The following KCTD9 variants were observed in gnomAD, a reference collection of about 807,000 sequenced individuals.
KCTD9 encodes the protein potassium channel tetramerization domain containing 9.
A neutral mutation model predicts 53.3 loss-of-function variants in KCTD9; 17 were observed. The observed-to-expected ratio is 0.32, with a 90% CI of 0.22 to 0.48. The LOEUF is 0.48. Ranked by LOEUF, KCTD9 falls within the 20% of genes least tolerant of loss-of-function variation. The pLI is 0.99. For missense variants in KCTD9, 179 were observed against 465.5 expected, an observed-to-expected ratio of 0.38 and a Z score of 5.66; for synonymous variants, 128 against 162.7, an observed-to-expected ratio of 0.79 and a Z score of 1.62.
rs763772307 is a variant in KCTD9, at chr8:25,436,480, A to G, written c.505T>C (p.Leu169=). 1.9e-6 allele frequency: 3 copies of G among 1,568,380 alleles called. No homozygotes were observed. Among genetic ancestry groups the G allele is most frequent in the East Asian group, 2.3e-5 (1 of 44,368 alleles). ...VNDGINLLGV[L]EEARFFGIDS... is the part of the protein sequence containing the mutation. ...ATACCAAAAAATCTTGCTTCTTCTAACACACCTATCAGAACAAAAATAATT... is the reference window on the plus strand; with the variant it reads ...ATACCAAAAAATCTTGCTTCTTCTAGCACACCTATCAGAACAAAAATAATT... Residue 169 remains leucine, a synonymous_variant, in exon 7 of 12, where the codon TTA becomes CTA. Coordinates refer to ENST00000221200, the MANE Select transcript of KCTD9 (RefSeq NM_017634.4).
At chr8:25,447,288 G>A (rs2117426472) in intron 1 of KCTD9, among the ~76,000 whole-genome samples, 2 of 152,288 alleles carry the variant, frequency 1.3e-5, no homozygotes, top group Middle Eastern at 6.8e-3. Context: ...TCCAGAGGCT[G>A]AAGCATGAGA....
intron 1 of KCTD9, chr8:25,450,343 C>G (rs968390137): frequency 1.0e-4 from 101 of 985,212 alleles, no homozygotes; most frequent in Non-Finnish European, 1.2e-4. Flanking sequence ...CTGAGCTGTT[C>G]TACTAATAAC....
intron 2 of KCTD9, among the ~76,000 whole-genome samples, chr8:25,444,683 A>C (rs1802184674): frequency 6.6e-6 from 1 of 152,072 alleles, no homozygotes; most frequent in Admixed American, 6.6e-5. Context: ...TTTTCTTTAC[A>C]TTTTTTACCC....
At position 25,428,323 on chromosome 8, in the gene KCTD9, T is replaced by C. The variant is rs575430582; in HGVS notation, c.*1534A>G. 2 of 152,648 alleles carry C rather than the reference T, an allele frequency of 1.3e-5. No individual in the cohort carries two copies. The highest frequency in any genetic ancestry group is 2.9e-5 in the Non-Finnish European group (2 of 68,044). 9.5% of individuals were successfully genotyped at this position (152,648 alleles called of 1,614,324 possible). A position where few individuals can be genotyped will look rare whatever the true frequency, so the allele number is the denominator to read the frequency against. On this transcript the variant is annotated 3_prime_UTR_variant, in exon 12 of 12. Transcript: ENST00000221200. ...CAAAGAAAATAATTCATTTCTGAAGTTGCTTTCCTTCACTTGTAAAGGTCT... is the reference window on the plus strand; with the variant it reads ...CAAAGAAAATAATTCATTTCTGAAGCTGCTTTCCTTCACTTGTAAAGGTCT...
Position 25,435,476 on chromosome 8 carries a change from C to T in KCTD9, c.700G>A (p.Asp234Asn). Reference protein sequence around the residue: ...NFSGADLSRLDLRYINFKMAN... With the variant: ...NFSGADLSRLNLRYINFKMAN... ...ATTTTGAAGTTAATGTATCGAAGGT[C>T]CAAACGAGAAAGATCAGCACCACTG... Residue 234 changes from aspartate (D) to asparagine (N), a missense_variant, in exon 9 of 12, where the codon GAC becomes AAC. Asp to Asn is a conservative substitution (Grantham distance 23). Coordinates refer to ENST00000221200, the MANE Select transcript of KCTD9 (RefSeq NM_017634.4). 6.2e-7 allele frequency: 1 copy of T among 1,609,622 alleles called. No individual in the cohort carries two copies.
Position 25,439,402 on chromosome 8 carries a change from A to G in KCTD9, c.376T>C (p.Trp126Arg). The change falls in exon 6 of 12, where the codon TGG (tryptophan) becomes CGG (arginine). Residue 126 changes from tryptophan (W) to arginine (R), a missense_variant. Transcript: ENST00000221200. Reference sequence around the variant, plus strand: ...CCTCTATGATCTTGCTTATTTCCCCAGACACCTGTGTCACCATTATAATAA... The same window carrying G: ...CCTCTATGATCTTGCTTATTTCCCCGGACACCTGTGTCACCATTATAATAA... ...LAHMFKDKGV[W>R]GNKQDHRGAF... 6.2e-7 allele frequency: 1 copy of G among 1,610,536 alleles called. No individual in the cohort carries two copies. The highest frequency in any genetic ancestry group is 8.5e-7 in the Non-Finnish European group (1 of 1,178,934).
rs552889052 is a variant in KCTD9, at chr8:25,431,542, C to T, written c.1053+962G>A. On this transcript the variant is annotated intron_variant, in intron 11 of 11. Transcript: ENST00000221200. ...CAGCAGCTCTCCCCTCAATAGTCAA[C>T]CTGATCAGTCTTTGCAATCAGAGAG... Among the ~76,000 whole-genome samples, 11 of 152,196 alleles carry T rather than the reference C, an allele frequency of 7.2e-5. No individual in the cohort carries two copies. The South Asian group carries it at 2.3e-3, about 32-fold the overall frequency.
chr8:25,442,949 A>G (rs948510494), intron 3 of KCTD9, among the ~76,000 whole-genome samples: 2 of 152,174 alleles, frequency 1.3e-5, no homozygotes, highest in Non-Finnish European at 2.9e-5. Context: ...AGTCAGGACT[A>G]TTGATATAGA....
chr8:25,435,408 G>A lies in KCTD9; in HGVS notation c.768C>T (p.Cys256=). The A allele has an allele frequency of 6.2e-7, 1 of 1,610,470 alleles. No individual in the cohort carries two copies. Among genetic ancestry groups the A allele is most frequent in the Non-Finnish European group, 8.5e-7 (1 of 1,178,332 alleles). Residue 256 remains cysteine (C), a synonymous_variant, in exon 9 of 12, where the codon TGC becomes TGT. Transcript: ENST00000221200. The part of the protein sequence containing the change: ...SRCNLAHANL[C]CANLERADLS... ...GATCAGCTCGTTCAAGATTTGCACA[G>A]CAAAGATTTGCATGTGCAAGATTAC... is the stretch of plus-strand genomic sequence containing the variant.
At chr8:25,437,472 C>T (rs13438986) in intron 6 of KCTD9, among the ~76,000 whole-genome samples, 3 of 152,042 alleles carry the variant, frequency 2.0e-5, no homozygotes, top group South Asian at 2.1e-4. Context: ...GTCAGGAGTT[C>T]GAGACCAGCC....
At chr8:25,455,937 A>C (rs1802424144) in intron 1 of KCTD9, among the ~76,000 whole-genome samples, 1 of 152,188 alleles carries the variant, frequency 6.6e-6, no homozygotes, top group African/African-American at 2.4e-5. Flanking sequence ...ACCTCCAATA[A>C]ATCGTCTTGG....
chr8:25,431,530 C>T (rs527954953), intron 11 of KCTD9, among the ~76,000 whole-genome samples: 177 of 152,128 alleles, frequency 1.2e-3, no homozygotes, highest in African/African-American at 4.1e-3. Context: ...CAGCTCTCCC[C>T]TCAATAGTCA....
rs532867927 is a variant in KCTD9, at chr8:25,437,570, C to T, written c.500-1085G>A. Among the ~76,000 whole-genome samples, 13 of 151,884 alleles carry T rather than the reference C, an allele frequency of 8.6e-5. No homozygotes were observed. In the East Asian group the frequency reaches 2.3e-3, roughly 27 times the overall value. On this transcript the variant is annotated intron_variant, in intron 6 of 11. Coordinates refer to ENST00000221200, the MANE Select transcript of KCTD9 (RefSeq NM_017634.4). ...GCAGGTGCCTGTAGTCCCAGCTACT[C>T]GGGAAGCTGAGGCAGGAGAATGGCG...
Position 25,429,675 on chromosome 8 carries a change from A to C in KCTD9, c.*182T>G. Reference sequence around the variant, plus strand: ...GAGTGCTTTTCTGTTAAAAATCAGAATATGGAAAAAAAGTCAGTTTTTTCC... The same window carrying C: ...GAGTGCTTTTCTGTTAAAAATCAGACTATGGAAAAAAAGTCAGTTTTTTCC... On this transcript the variant is annotated 3_prime_UTR_variant, in exon 12 of 12. Transcript: ENST00000221200. 1 of 522,324 alleles carries C rather than the reference A, an allele frequency of 1.9e-6. No individual in the cohort carries two copies. The highest frequency in any genetic ancestry group is 3.6e-6 in the Non-Finnish European group (1 of 281,024). 32.4% of individuals were successfully genotyped at this position (522,324 alleles called of 1,614,324 possible). A position where few individuals can be genotyped will look rare whatever the true frequency, so the allele number is the denominator to read the frequency against.
At chr8:25,439,533 G>T in intron 5 of KCTD9, 73 bp downstream of exon 5, 1 of 1,583,538 alleles carries the variant, frequency 6.3e-7, no homozygotes, top group Non-Finnish European at 8.7e-7. Context: ...AAGTACAGAA[G>T]GTCAGGAGTT....
At chr8:25,438,746 G>A (rs1802065544) in intron 6 of KCTD9, among the ~76,000 whole-genome samples, 1 of 152,222 alleles carries the variant, frequency 6.6e-6, no homozygotes, top group African/African-American at 2.4e-5. Flanking sequence ...TGTAGATAGG[G>A]TCAAGAGTGC....
chr8:25,455,912 G>A (rs539722099), intron 1 of KCTD9, among the ~76,000 whole-genome samples: 33 of 152,244 alleles, frequency 2.2e-4, no homozygotes, highest in African/African-American at 7.7e-4. Context: ...TAAACAAAAG[G>A]TATATTTCTT....
At chr8:25,453,543 C>G (rs1223198262) in intron 1 of KCTD9, among the ~76,000 whole-genome samples, 1 of 151,106 alleles carries the variant, frequency 6.6e-6, no homozygotes, top group East Asian at 1.9e-4. Flanking sequence ...ATCCCACCTA[C>G]TTGGGAGGCT....
Position 25,429,025 on chromosome 8 carries a change from G to C in KCTD9, c.*832C>G, listed in dbSNP as rs958672545. On this transcript the variant is annotated 3_prime_UTR_variant, in exon 12 of 12. Coordinates refer to ENST00000221200, the MANE Select transcript of KCTD9 (RefSeq NM_017634.4). ...TCCTATGCTTGTGATGACTGTATGA[G>C]AAAACTAGGCTAATAGTGTAAATAG... 1.1e-4 allele frequency: 17 copies of C among 152,178 alleles called. No individual in the cohort carries two copies. Among genetic ancestry groups the C allele is most frequent in the African/African-American group, 4.1e-4 (17 of 41,438 alleles). 9.4% of individuals were successfully genotyped at this position (152,178 alleles called of 1,614,324 possible). A position where few individuals can be genotyped will look rare whatever the true frequency, so the allele number is the denominator to read the frequency against.
Sources: allele counts gnomAD v4.1 joint callset (sites outside exome capture counted in the v4.1 genomes callset), GRCh38; gene constraint gnomAD v4.1.1; transcripts MANE v1.5; gene names NCBI Gene and HGNC (gene_info 2026-07-23, HGNC 2026-07-21).